XIRP2: variants seen among roughly 807,000 people sequenced by gnomAD.
XIRP2 encodes xin actin-binding repeat-containing protein 2.
A neutral mutation model predicts 277.0 loss-of-function variants in XIRP2; 236 were observed. The observed-to-expected ratio is 0.85, with a 90% CI of 0.77 to 0.95. XIRP2 has a LOEUF of 0.95. Ranked by LOEUF, XIRP2 falls within the 40% of genes least tolerant of loss-of-function variation. The probability of loss-of-function intolerance (pLI) is 0.00; values close to 1 mark genes in which losing one functional copy is unlikely to be tolerated. For synonymous variants in XIRP2, 1,490 were observed against 1,416.5 expected (o/e 1.05, Z -1.17); for missense variants, 4,640 against 4,157.5 (o/e 1.12, Z -3.19).
chr2:167,178,039 A>AC lies in XIRP2; in HGVS notation c.563-32696_563-32695insC, dbSNP rs1440016836. On this transcript the variant is annotated intron_variant, in intron 3 of 10. Transcript: ENST00000409195. ...TTGCAACATTATTCAGTAAAAACAAAAAAAAAAAAAGCAAATGTGGAGCAC... is the reference window on the plus strand; with the variant it reads ...TTGCAACATTATTCAGTAAAAACAAACAAAAAAAAAAGCAAATGTGGAGCAC... 2.0e-5 allele frequency among the ~76,000 whole-genome samples: 3 copies of AC among 151,634 alleles called. No homozygotes were observed. In the East Asian group the frequency reaches 5.8e-4, roughly 29 times the overall value.
At chr2:166,998,404 G>A (rs962511028) in intron 2 of XIRP2, among the ~76,000 whole-genome samples, 3 of 152,094 alleles carry the variant, frequency 2.0e-5, no homozygotes, top group Admixed American at 6.6e-5. Context: ...TTGGGAGGCC[G>A]AGTCAGGTGG....
intron 2 of XIRP2, among the ~76,000 whole-genome samples, chr2:167,050,023 T>C (rs1324762110): frequency 6.6e-6 from 1 of 152,080 alleles, no homozygotes; most frequent in East Asian, 1.9e-4. Flanking sequence ...TGAGTTGCCA[T>C]ACATTATGAT....
intron 3 of XIRP2, among the ~76,000 whole-genome samples, chr2:167,162,279 A>C (rs574622460): frequency 6.6e-6 from 1 of 152,326 alleles, no homozygotes; most frequent in South Asian, 2.1e-4. Context: ...TATCTACAGC[A>C]GCACCCCACT....
intron 3 of XIRP2, among the ~76,000 whole-genome samples, chr2:167,159,770 G>C (rs915761044): frequency 1.3e-5 from 2 of 152,030 alleles, no homozygotes; most frequent in African/African-American, 2.4e-5. Flanking sequence ...ACATGCTTAG[G>C]ACATAACTGG....
At chr2:167,036,722 G>A (rs997719622) in intron 2 of XIRP2, among the ~76,000 whole-genome samples, 4 of 152,040 alleles carry the variant, frequency 2.6e-5, no homozygotes, top group African/African-American at 9.7e-5. Context: ...GAGGGGCCAG[G>A]GATGGAATGA....
intron 2 of XIRP2, among the ~76,000 whole-genome samples, chr2:166,999,031 T>G (rs1166571526): frequency 6.6e-6 from 1 of 152,232 alleles, no homozygotes; most frequent in African/African-American, 2.4e-5. Flanking sequence ...TTTAAAATTG[T>G]CTTTTGGCTT....
chr2:167,196,861 G>A (rs532775414), intron 3 of XIRP2, among the ~76,000 whole-genome samples: 1 of 152,088 alleles, frequency 6.6e-6, no homozygotes, highest in African/African-American at 2.4e-5. Flanking sequence ...TGTGTGGAGT[G>A]GGGTGGGTGT....
chr2:166,987,463 G>T (rs1687036584), intron 2 of XIRP2, among the ~76,000 whole-genome samples: 1 of 152,188 alleles, frequency 6.6e-6, no homozygotes, highest in South Asian at 2.1e-4. Context: ...ATTGCAAACA[G>T]TTGAGACATT....
Position 167,242,861 on chromosome 2 carries a change from C to G in XIRP2, c.1469C>G (p.Ser490Cys), listed in dbSNP as rs1249577371. 1.2e-6 allele frequency: 2 copies of G among 1,613,936 alleles called. No homozygotes were observed. Among genetic ancestry groups the G allele is most frequent in the East Asian group, 4.5e-5 (2 of 44,874 alleles). The change falls in exon 9 of 11, where the codon TCC becomes TGC. Residue 490 changes from serine (S) to cysteine (C), a missense_variant. Transcript: ENST00000409195. Reference protein sequence around the residue: ...RRLPVPKDVYSKQRNLYELNR... With the variant: ...RRLPVPKDVYCKQRNLYELNR... ...CTACCAGTCCCCAAAGATGTATATTCCAAGCAAAGAAATTTGTATGAATTA... is the reference window on the plus strand; with the variant it reads ...CTACCAGTCCCCAAAGATGTATATTGCAAGCAAAGAAATTTGTATGAATTA...
At chr2:166,994,238 AAC>A (rs1687141160) in intron 2 of XIRP2, among the ~76,000 whole-genome samples, 1 of 26,126 alleles carries the variant, frequency 3.8e-5, no homozygotes. Flanking sequence ...CAAAAAACCA[AAC>A]ACCGCATATT....
At chr2:167,240,152 A>C (rs1169214998) in intron 6 of XIRP2, among the ~76,000 whole-genome samples, 187 bp downstream of exon 6, 2 of 151,972 alleles carry the variant, frequency 1.3e-5, no homozygotes, top group Non-Finnish European at 2.9e-5. Flanking sequence ...GGTGGCTTGC[A>C]CCTGTAATCC....
At chr2:167,158,378 G>A (rs1692265044) in intron 3 of XIRP2, among the ~76,000 whole-genome samples, 1 of 152,054 alleles carries the variant, frequency 6.6e-6, no homozygotes, top group Non-Finnish European at 1.5e-5. Flanking sequence ...ATTTTTTTAT[G>A]CAACATTTTG....
chr2:167,178,709 CTTAAGG>C (rs890923911), intron 3 of XIRP2, among the ~76,000 whole-genome samples: 10 of 151,838 alleles, frequency 6.6e-5, no homozygotes, highest in Admixed American at 5.3e-4. Context: ...TGATGACCAC[CTTAAGG>C]TGTTTTTCTG....
intron 2 of XIRP2, among the ~76,000 whole-genome samples, chr2:167,070,524 G>A (rs1034562983): frequency 6.6e-5 from 10 of 152,078 alleles, no homozygotes; most frequent in Non-Finnish European, 1.0e-4. Context: ...TATTTTTCAT[G>A]TATTGTAAAT....
chr2:167,063,958 G>A (rs183458886), intron 2 of XIRP2, among the ~76,000 whole-genome samples: 1 of 151,374 alleles, frequency 6.6e-6, no homozygotes, highest in Non-Finnish European at 1.5e-5. Context: ...TACATTTAGT[G>A]TACTATCAAT....
At chr2:166,932,576 T>C (rs1685373224) in intron 2 of XIRP2, among the ~76,000 whole-genome samples, 1 of 152,192 alleles carries the variant, frequency 6.6e-6, no homozygotes, top group Non-Finnish European at 1.5e-5. Context: ...AAGTCTAATT[T>C]ATAAATGTTA....
chr2:167,005,186 T>A (rs1574153041), intron 2 of XIRP2, among the ~76,000 whole-genome samples: 1 of 151,916 alleles, frequency 6.6e-6, no homozygotes, highest in Non-Finnish European at 1.5e-5. Flanking sequence ...AGAGTCCCAC[T>A]GCACATAATA....
At chr2:166,934,880 A>G (rs1410141470) in intron 2 of XIRP2, among the ~76,000 whole-genome samples, 2 of 152,088 alleles carry the variant, frequency 1.3e-5, no homozygotes, top group Non-Finnish European at 2.9e-5. Flanking sequence ...AAAGAAAAAT[A>G]ATTAACTAGT....
chr2:167,241,580 T>A (rs955474963), intron 7 of XIRP2, among the ~76,000 whole-genome samples, 197 bp from the exon 8 acceptor site: 4 of 152,176 alleles, frequency 2.6e-5, no homozygotes, highest in Non-Finnish European at 4.4e-5. Flanking sequence ...TTATCTTTTT[T>A]AATAATTTCT....
Sources: allele counts gnomAD v4.1 joint callset (sites outside exome capture counted in the v4.1 genomes callset), GRCh38; gene constraint gnomAD v4.1.1; transcripts MANE v1.5; gene names NCBI Gene and HGNC (gene_info 2026-07-23, HGNC 2026-07-21).